EBF1: variants seen among roughly 807,000 people sequenced by gnomAD.
The protein encoded by EBF1 is transcription factor COE1.
EBF1 carries 10 observed loss-of-function variants against 68.4 expected under a neutral mutation model. That is an observed-to-expected ratio of 0.15 (90% CI 0.09 to 0.25). EBF1 has a LOEUF of 0.25. Ranked by LOEUF, EBF1 falls within the 10% of genes least tolerant of loss-of-function variation. The pLI, the probability that EBF1 is intolerant of heterozygous loss-of-function variation, is 1.00. For synonymous variants in EBF1, 298 were observed against 299.8 expected, an observed-to-expected ratio of 0.99 and a Z score of 0.06; for missense variants, 509 against 794.4, an observed-to-expected ratio of 0.64 and a Z score of 4.32.
rs181690164 is a variant in EBF1, at chr5:159,031,242, G to T, written c.554+42154C>A. On this transcript the variant is annotated intron_variant, in intron 6 of 15. Coordinates refer to ENST00000313708, the MANE Select transcript of EBF1 (RefSeq NM_024007.5). ...GCTGGGATGTGGAGAAGAGGTCAGGGGCCTAAACAACATTTGGAGCTGTCG... is the reference window on the plus strand; with the variant it reads ...GCTGGGATGTGGAGAAGAGGTCAGGTGCCTAAACAACATTTGGAGCTGTCG... Among the ~76,000 whole-genome samples, 941 of 152,260 alleles carry T rather than the reference G, an allele frequency of 6.2e-3. 8 individuals are homozygous for T. Among genetic ancestry groups the T allele is most frequent in the Middle Eastern group, 0.034 (10 of 294 alleles).
At chr5:158,919,321 G>C (rs1030180049) in intron 6 of EBF1, among the ~76,000 whole-genome samples, 106 of 151,784 alleles carry the variant, frequency 7.0e-4, no homozygotes, top group African/African-American at 2.4e-3. Context: ...GGTAACATGT[G>C]GTCTAAGTAG....
At chr5:158,829,133 C>T (rs1786884051) in intron 7 of EBF1, among the ~76,000 whole-genome samples, 1 of 152,110 alleles carries the variant, frequency 6.6e-6, no homozygotes, top group Non-Finnish European at 1.5e-5. Flanking sequence ...TTTGTCTAAA[C>T]CTATAGAATG....
intron 8 of EBF1, among the ~76,000 whole-genome samples, chr5:158,800,347 G>A (rs953584953): frequency 6.6e-6 from 1 of 152,116 alleles, no homozygotes; most frequent in Non-Finnish European, 1.5e-5. Flanking sequence ...ACAAAGGCCT[G>A]GAAGGAAGGA....
rs539657616 is a variant in EBF1, at chr5:158,731,421, A to T, written c.1037-264T>A. 2.6e-5 allele frequency among the ~76,000 whole-genome samples: 4 copies of T among 152,342 alleles called. No individual in the cohort carries two copies. The East Asian group carries it at 5.8e-4, about 22-fold the overall frequency. On this transcript the variant is annotated intron_variant, in intron 10 of 15. Coordinates refer to ENST00000313708, the MANE Select transcript of EBF1 (RefSeq NM_024007.5). ...TTTGGCCAAATTCTACACTCCTTACATGATCATAAATAGAAAGTAAAATGG... is the reference window on the plus strand; with the variant it reads ...TTTGGCCAAATTCTACACTCCTTACTTGATCATAAATAGAAAGTAAAATGG...
At chr5:158,729,114 A>T (rs559879019) in intron 11 of EBF1, among the ~76,000 whole-genome samples, 7 of 152,352 alleles carry the variant, frequency 4.6e-5, no homozygotes, top group African/African-American at 1.7e-4. Context: ...CTGGCAAATC[A>T]TCATAGCTAC....
At chr5:158,765,661 G>A (rs1263367938) in intron 10 of EBF1, among the ~76,000 whole-genome samples, 4 of 152,102 alleles carry the variant, frequency 2.6e-5, no homozygotes, top group South Asian at 2.1e-4. Context: ...AGGGGAAGTC[G>A]CTCTTCTGTT....
In EBF1 at chr5:158,962,513, T is replaced by C. The variant is rs1753223321; in HGVS notation, c.554+110883A>G. On this transcript the variant is annotated intron_variant, in intron 6 of 15. Transcript: ENST00000313708. ...CACTCCCTAGGAAGAGTTTCTAGAA[T>C]CATGAAGTTTCTCAGTGCTATAAAC... 2.6e-5 allele frequency among the ~76,000 whole-genome samples: 4 copies of C among 152,158 alleles called. No individual in the cohort carries two copies. The South Asian group carries it at 6.2e-4, about 24-fold the overall frequency.
chr5:159,034,382 C>T (rs1349983063), intron 6 of EBF1, among the ~76,000 whole-genome samples: 1 of 152,138 alleles, frequency 6.6e-6, no homozygotes, highest in Non-Finnish European at 1.5e-5. Flanking sequence ...AGCCCAATGG[C>T]TAATCAATAC....
At chr5:159,091,272 C>T (rs780187916) in intron 4 of EBF1, among the ~76,000 whole-genome samples, 10 of 152,170 alleles carry the variant, frequency 6.6e-5, no homozygotes, top group East Asian at 3.8e-4. Context: ...CATCTGGCTC[C>T]GGCAATCTCT....
At chr5:158,869,807 G>A (rs1796567597) in intron 6 of EBF1, among the ~76,000 whole-genome samples, 1 of 152,110 alleles carries the variant, frequency 6.6e-6, no homozygotes, top group South Asian at 2.1e-4. Flanking sequence ...AAGATAATTG[G>A]AGAGTCTATT....
At chr5:158,820,843 T>A (rs766989012) in intron 8 of EBF1, among the ~76,000 whole-genome samples, 1 of 152,210 alleles carries the variant, frequency 6.6e-6, no homozygotes, top group Non-Finnish European at 1.5e-5. Context: ...ATATCTGAGC[T>A]GGGAGGAAGC....
At position 158,823,348 on chromosome 5, in the gene EBF1, T is replaced by C. The variant is rs745965306; in HGVS notation, c.637-31A>G. On this transcript the variant is annotated intron_variant, in intron 7 of 15. Transcript: ENST00000313708. The stretch of plus-strand genomic sequence containing the variant: ...GACATAAGAAAGAAATGAATGAACA[T>C]TTTAATATAAAAGCGTGGTGGGTAA... 2.5e-6 allele frequency: 4 copies of C among 1,583,596 alleles called. No homozygotes were observed. In the South Asian group the frequency reaches 4.6e-5, roughly 18 times the overall value.
At chr5:158,886,289 AT>A (rs1800027713) in intron 6 of EBF1, among the ~76,000 whole-genome samples, 1 of 152,256 alleles carries the variant, frequency 6.6e-6, no homozygotes, top group African/African-American at 2.4e-5. Context: ...GCATTGGCAA[AT>A]CAAAAGCTGG....
intron 6 of EBF1, among the ~76,000 whole-genome samples, chr5:158,995,961 T>G (rs143737679): frequency 6.6e-6 from 1 of 152,196 alleles, no homozygotes; most frequent in Non-Finnish European, 1.5e-5. Context: ...AATAACGGTG[T>G]CAAGTGCTGC....
intron 6 of EBF1, among the ~76,000 whole-genome samples, chr5:159,069,095 A>G (rs1777364061): frequency 2.0e-5 from 3 of 152,076 alleles, no homozygotes; most frequent in African/African-American, 2.4e-5. Flanking sequence ...GGCTTTGAGG[A>G]ACCCAAAACT....
chr5:158,938,942 A>G (rs903501594), intron 6 of EBF1, among the ~76,000 whole-genome samples: 11 of 152,350 alleles, frequency 7.2e-5, no homozygotes, highest in African/African-American at 2.2e-4. Flanking sequence ...TCCAAGAGAC[A>G]TCTATGACAT....
At chr5:159,063,226 G>T (rs1344813621) in intron 6 of EBF1, among the ~76,000 whole-genome samples, 1 of 152,132 alleles carries the variant, frequency 6.6e-6, no homozygotes, top group African/African-American at 2.4e-5. Flanking sequence ...ACCTGCCTGT[G>T]CTCAGCAATA....
intron 6 of EBF1, among the ~76,000 whole-genome samples, chr5:158,970,361 G>A (rs1561665888): frequency 6.6e-6 from 1 of 152,098 alleles, no homozygotes; most frequent in South Asian, 2.1e-4. Context: ...TATTAAAGCC[G>A]GAAATTGCCA....
chr5:158,705,254 T>A (rs1757622530), intron 15 of EBF1, among the ~76,000 whole-genome samples: 1 of 152,222 alleles, frequency 6.6e-6, no homozygotes, highest in South Asian at 2.1e-4. Context: ...GTGCTGAGAC[T>A]ACAGGTGTGA....
Sources: gnomAD v4.1 joint callset for allele counts (sites outside exome capture counted in the v4.1 genomes callset) on GRCh38, gnomAD v4.1.1 for gene constraint, MANE v1.5 for transcripts, NCBI Gene and HGNC (gene_info 2026-07-23, HGNC 2026-07-21) for gene names.